The following TEX9 variants were observed in gnomAD, a reference collection of about 807,000 sequenced individuals.
The protein encoded by TEX9 is testis expressed 9.
A neutral mutation model predicts 59.6 loss-of-function variants in TEX9; 74 were observed. That is an observed-to-expected ratio of 1.24 (90% CI 1.03 to 1.51). The LOEUF (loss-of-function observed/expected upper bound fraction) is 1.51, where lower values mean the gene tolerates loss of function less well. Among genes scored for constraint, TEX9 ranks in the 40% most tolerant of loss-of-function variants. The probability of loss-of-function intolerance (pLI) is 0.00; values close to 1 mark genes in which losing one functional copy is unlikely to be tolerated. For missense variants in TEX9, 522 were observed against 447.8 expected, an observed-to-expected ratio of 1.17 and a Z score of -1.49; for synonymous variants, 186 against 152.2, an observed-to-expected ratio of 1.22 and a Z score of -1.64.
chr15:56,275,536 C>A (rs935473879), intron 1 of TEX9, among the ~76,000 whole-genome samples: 1 of 152,172 alleles, frequency 6.6e-6, no homozygotes, highest in African/African-American at 2.4e-5. Context: ...CAGCCTTTAG[C>A]AATTTGTTTA....
chr15:56,381,147 A>G (rs528423955), intron 3 of TEX9, among the ~76,000 whole-genome samples: 7 of 151,966 alleles, frequency 4.6e-5, no homozygotes, highest in Non-Finnish European at 8.8e-5. Context: ...GCATGTCTTC[A>G]AGATTACTAA....
chr15:56,355,126 C>A lies in TEX9; in HGVS notation c.-106-18315C>A, dbSNP rs538783077. On this transcript the variant is annotated intron_variant, in intron 1 of 5. Transcript: ENST00000560827. ...GCAGTCAGCGCCTTCCTCCCATTCC[C>A]AGTTCTAGGCAAACATCTATCTAGT... 2.6e-5 allele frequency among the ~76,000 whole-genome samples: 4 copies of A among 152,274 alleles called. No homozygotes were observed. The South Asian group carries it at 6.2e-4, about 24-fold the overall frequency.
intron 1 of TEX9, among the ~76,000 whole-genome samples, chr15:56,263,143 C>T (rs867216132): frequency 6.6e-6 from 1 of 152,154 alleles, no homozygotes; most frequent in South Asian, 2.1e-4. Flanking sequence ...CCTGCCTCAG[C>T]CTCCCGAGTA....
At chr15:56,323,505 G>A in intron 1 of TEX9, 1 of 197,702 alleles carries the variant, frequency 5.1e-6, no homozygotes, top group Non-Finnish European at 1.0e-5. Flanking sequence ...CTGCACAAAT[G>A]ACAAGCAGCC....
At chr15:56,357,958 AT>A (rs2046714323) in intron 1 of TEX9, among the ~76,000 whole-genome samples, 1 of 151,970 alleles carries the variant, frequency 6.6e-6, no homozygotes, top group African/African-American at 2.4e-5. Flanking sequence ...ATGTCTGGTG[AT>A]TTTTGATGGT....
chr15:56,451,076 T>C, the TEX9 span, among the ~76,000 whole-genome samples: 1 of 152,246 alleles, frequency 6.6e-6, no homozygotes, highest in Non-Finnish European at 1.5e-5. Flanking sequence ...GAACTGGGTT[T>C]TTAAAATTAT....
rs1460625036 is a variant in TEX9, at chr15:56,260,941, A to AT, written c.-107+16668dup. On this transcript the variant is annotated intron_variant, in intron 1 of 5. Transcript: ENST00000560827. ...TTAACAATGATTTTTATTTCTTTTAATTTTTCTTTTATCAGTTTAGATGAC... is the reference window on the plus strand; with the variant it reads ...TTAACAATGATTTTTATTTCTTTTAATTTTTTCTTTTATCAGTTTAGATGAC... Among the ~76,000 whole-genome samples the AT allele has an allele frequency of 5.9e-5, 9 of 151,702 alleles. No homozygotes were observed. In the South Asian group the frequency reaches 1.9e-3, roughly 31 times the overall value.
At chr15:56,249,489 A>G (rs1467624505) in intron 1 of TEX9, among the ~76,000 whole-genome samples, 6 of 151,548 alleles carry the variant, frequency 4.0e-5, no homozygotes, top group African/African-American at 1.2e-4. Context: ...GAGGGAGGGA[A>G]GGAAGGAAGG....
chr15:56,331,239 A>G (rs566596331), intron 1 of TEX9, among the ~76,000 whole-genome samples: 3 of 152,274 alleles, frequency 2.0e-5, no homozygotes, highest in African/African-American at 7.2e-5. Context: ...AGCATTGGAC[A>G]GATCATCCAG....
chr15:56,250,305 A>G (rs542409997), intron 1 of TEX9, among the ~76,000 whole-genome samples: 6 of 152,360 alleles, frequency 3.9e-5, no homozygotes, highest in Non-Finnish European at 8.8e-5. Flanking sequence ...AGAAAGAGCA[A>G]AAGGAGCTAA....
intron 1 of TEX9, among the ~76,000 whole-genome samples, chr15:56,271,739 T>C (rs2044537171): frequency 6.6e-6 from 1 of 152,246 alleles, no homozygotes; most frequent in African/African-American, 2.4e-5. Flanking sequence ...ATTTTTGTTT[T>C]ATCATTTAAA....
chr15:56,386,893 A>C (rs1267132118), intron 4 of TEX9, among the ~76,000 whole-genome samples: 3 of 151,886 alleles, frequency 2.0e-5, no homozygotes, highest in Non-Finnish European at 4.4e-5. Flanking sequence ...GGAATTCCTG[A>C]ATATGGGAGA....
chr15:56,411,794 A>T (rs2049363191), intron 9 of TEX9, among the ~76,000 whole-genome samples: 1 of 152,180 alleles, frequency 6.6e-6, no homozygotes, highest in African/African-American at 2.4e-5. Flanking sequence ...GGATGTGGAA[A>T]ATAATCTATA....
intron 2 of TEX9, among the ~76,000 whole-genome samples, chr15:56,373,009 C>T (rs759276619): frequency 2.6e-5 from 4 of 152,062 alleles, no homozygotes; most frequent in Non-Finnish European, 4.4e-5. Context: ...ATAGCAATAC[C>T]CCAAACCAGA....
upstream of TEX9, among the ~76,000 whole-genome samples, chr15:56,361,213 T>C (rs1424881979): frequency 3.3e-5 from 5 of 152,200 alleles, no homozygotes; most frequent in African/African-American, 7.2e-5. Context: ...TTCAGTTCCA[T>C]TGATTTATGT....
intron 1 of TEX9, among the ~76,000 whole-genome samples, chr15:56,249,550 G>A (rs759256786): frequency 4.0e-5 from 6 of 151,722 alleles, no homozygotes; most frequent in East Asian, 3.9e-4. Flanking sequence ...CCAGCCTGGC[G>A]AAGATGGTGA....
At chr15:56,415,395 C>G (rs1299664847) in intron 10 of TEX9, among the ~76,000 whole-genome samples, 1 of 151,796 alleles carries the variant, frequency 6.6e-6, no homozygotes, top group African/African-American at 2.4e-5. Context: ...TTTAGTTCAT[C>G]TTGAGTTGGT....
At chr15:56,345,945 A>G (rs1218448477) in intron 1 of TEX9, among the ~76,000 whole-genome samples, 4 of 152,222 alleles carry the variant, frequency 2.6e-5, no homozygotes, top group African/African-American at 9.6e-5. Context: ...GAAAGCGTTC[A>G]TAATACAACA....
intron 1 of TEX9, among the ~76,000 whole-genome samples, chr15:56,305,450 A>C (rs1464200025): frequency 6.6e-6 from 1 of 152,162 alleles, no homozygotes; most frequent in East Asian, 1.9e-4. Context: ...AACAGAACAG[A>C]GAACCCAGAA....
Sources: allele counts gnomAD v4.1 joint callset (sites outside exome capture counted in the v4.1 genomes callset), GRCh38; gene constraint gnomAD v4.1.1; transcripts MANE v1.5; gene names NCBI Gene and HGNC (gene_info 2026-07-23, HGNC 2026-07-21).